Variants in ADAMTS3 observed in about 807,000 individuals in gnomAD.
The protein encoded by ADAMTS3 is A disintegrin and metalloproteinase with thrombospondin motifs 3.
In ADAMTS3, 73 loss-of-function variants were observed where a neutral mutation model predicts 129.0. That is an observed-to-expected ratio of 0.57 (90% confidence interval 0.47 to 0.69). The LOEUF is 0.69. ADAMTS3 is among the 30% of genes least tolerant of loss of function. The probability of loss-of-function intolerance (pLI) is 0.00; values close to 1 mark genes in which losing one functional copy is unlikely to be tolerated. For missense variants in ADAMTS3, 1,457 were observed against 1,514.5 expected (o/e 0.96, Z 0.63); for synonymous variants, 477 against 510.8 (o/e 0.93, Z 0.89).
intron 3 of ADAMTS3, among the ~76,000 whole-genome samples, chr4:72,476,710 T>G (rs1025434019): frequency 6.6e-6 from 1 of 151,886 alleles, no homozygotes; most frequent in African/African-American, 2.4e-5. Context: ...AAATTACACA[T>G]CAACATTCCT....
At chr4:72,530,616 T>A (rs1175592097) in intron 3 of ADAMTS3, among the ~76,000 whole-genome samples, 1 of 87,116 alleles carries the variant, frequency 1.1e-5, no homozygotes, top group Admixed American at 2.0e-4. Context: ...ATATATTATA[T>A]AATATATATT....
At chr4:72,343,262 C>T (rs1720186971) in intron 4 of ADAMTS3, among the ~76,000 whole-genome samples, 1 of 152,124 alleles carries the variant, frequency 6.6e-6, no homozygotes, top group Admixed American at 6.5e-5. Context: ...GAAGATGGAG[C>T]TGCCATGTTG....
chr4:72,504,264 T>C (rs1220958709), intron 3 of ADAMTS3, among the ~76,000 whole-genome samples: 3 of 152,158 alleles, frequency 2.0e-5, no homozygotes, highest in African/African-American at 4.8e-5. Flanking sequence ...AAAGTTGGTC[T>C]AGTGGTAAAT....
At chr4:72,513,471 C>T (rs1720369611) in intron 3 of ADAMTS3, among the ~76,000 whole-genome samples, 2 of 152,160 alleles carry the variant, frequency 1.3e-5, no homozygotes, top group Non-Finnish European at 2.9e-5. Context: ...CTTTCCACTT[C>T]CGTTTCACTC....
intron 3 of ADAMTS3, among the ~76,000 whole-genome samples, chr4:72,493,475 C>T (rs1379958302): frequency 2.0e-5 from 3 of 151,956 alleles, no homozygotes; most frequent in Non-Finnish European, 4.4e-5. Context: ...CAACTTAACT[C>T]TAATCTCATA....
rs1403297745 is a variant in ADAMTS3 at position 72,284,498 on chromosome 4, T to C, written c.3050-794A>G. ...GAATAAAATAGTTTCATGTTTATCATTGAATATTCTCAGATTATTTGTTAT... is the reference window on the plus strand; with the variant it reads ...GAATAAAATAGTTTCATGTTTATCACTGAATATTCTCAGATTATTTGTTAT... On this transcript the variant is annotated intron_variant, in intron 21 of 21. Transcript: ENST00000286657. Among the ~76,000 whole-genome samples, 6 of 152,148 alleles carry C rather than the reference T, an allele frequency of 3.9e-5. 1 individual carries two copies. Among genetic ancestry groups the C allele is most frequent in the African/African-American group, 7.2e-5 (3 of 41,440 alleles).
intron 3 of ADAMTS3, among the ~76,000 whole-genome samples, chr4:72,455,797 T>C (rs975221073): frequency 7.5e-6 from 1 of 133,848 alleles, no homozygotes; most frequent in African/African-American, 2.8e-5. Flanking sequence ...TATATATATA[T>C]ATTTTGTGTC....
chr4:72,361,517 G>C (rs1361600308), intron 4 of ADAMTS3, among the ~76,000 whole-genome samples: 1 of 152,046 alleles, frequency 6.6e-6, no homozygotes. Flanking sequence ...TTTTCTATAG[G>C]CCTTAAGAAG....
chr4:72,290,921 G>C lies in ADAMTS3; in HGVS notation c.2865C>G (p.Pro955=). ...VHSKYCMGDR[P]ESRRPCNRVP... Reference sequence around the variant, plus strand: ...CTCTGTTACAGGGCCGGCGGCTCTCGGGACGGTCACCCATGCAGTATTTGC... The same window carrying C: ...CTCTGTTACAGGGCCGGCGGCTCTCCGGACGGTCACCCATGCAGTATTTGC... Residue 955 remains proline, a synonymous_variant, in exon 20 of 22, where the codon CCC becomes CCG. Transcript: ENST00000286657. 1 of 1,614,010 alleles carries C rather than the reference G, an allele frequency of 6.2e-7. No homozygotes were observed. The highest frequency in any genetic ancestry group is 8.5e-7 in the Non-Finnish European group (1 of 1,179,964).
chr4:72,457,295 A>T (rs1196976514), intron 3 of ADAMTS3, among the ~76,000 whole-genome samples: 1 of 151,716 alleles, frequency 6.6e-6, no homozygotes, highest in East Asian at 1.9e-4. Context: ...ATGGGTTGAA[A>T]ACCATTAAAC....
chr4:72,526,725 TATAC>T lies in ADAMTS3; in HGVS notation c.504+21749_504+21752del, dbSNP rs1235070692. ...CACATATATAGAGACAGAAAAAATATATACATACATATATATATATATATATATA... is the reference window on the plus strand; with the variant it reads ...CACATATATAGAGACAGAAAAAATATATACATATATATATATATATATATA... On this transcript the variant is annotated intron_variant, in intron 3 of 21. Coordinates refer to ENST00000286657, the MANE Select transcript of ADAMTS3 (RefSeq NM_014243.3). Among the ~76,000 whole-genome samples the T allele has an allele frequency of 2.7e-3, 181 of 67,960 alleles. 1 individual carries two copies. The highest frequency in any genetic ancestry group is 9.9e-3 in the African/African-American group (171 of 17,250). The allele number at this position is 67,960 out of a possible 152,430, so 44.6% of individuals were successfully genotyped here.
intron 4 of ADAMTS3, among the ~76,000 whole-genome samples, chr4:72,377,791 C>G (rs1721170601): frequency 6.6e-6 from 1 of 152,108 alleles, no homozygotes; most frequent in Admixed American, 6.6e-5. Flanking sequence ...AGTGTTGTCT[C>G]TATTTGTGCT....
At chr4:72,541,022 G>C (rs528807030) in intron 3 of ADAMTS3, among the ~76,000 whole-genome samples, 1 of 152,290 alleles carries the variant, frequency 6.6e-6, no homozygotes, top group Admixed American at 6.5e-5. Context: ...CCAGACCCCA[G>C]AATGATATAT....
chr4:72,544,958 C>G (rs1217014003), intron 3 of ADAMTS3, among the ~76,000 whole-genome samples: 1 of 151,828 alleles, frequency 6.6e-6, no homozygotes, highest in African/African-American at 2.4e-5. Flanking sequence ...AAACTATAAT[C>G]AAATTGATGT....
chr4:72,540,948 C>A (rs1382884271), intron 3 of ADAMTS3, among the ~76,000 whole-genome samples: 2 of 152,150 alleles, frequency 1.3e-5, no homozygotes, highest in African/African-American at 4.8e-5. Context: ...CAGGTGGGAG[C>A]CCCCACACAG....
chr4:72,473,103 G>A (rs914383137), intron 3 of ADAMTS3, among the ~76,000 whole-genome samples: 1 of 152,076 alleles, frequency 6.6e-6, no homozygotes, highest in Non-Finnish European at 1.5e-5. Flanking sequence ...TTCAACATGT[G>A]TACCTGAAGT....
chr4:72,520,340 C>T (rs1720629875), intron 3 of ADAMTS3, among the ~76,000 whole-genome samples: 1 of 152,206 alleles, frequency 6.6e-6, no homozygotes, highest in African/African-American at 2.4e-5. Context: ...TCTCCAGCTG[C>T]ATGCTGGGAG....
intron 3 of ADAMTS3, among the ~76,000 whole-genome samples, chr4:72,436,032 G>A (rs533725595): frequency 7.6e-4 from 116 of 151,938 alleles, no homozygotes; most frequent in African/African-American, 2.6e-3. Flanking sequence ...GAGCTTCTGC[G>A]CAACAAAAGA....
intron 4 of ADAMTS3, among the ~76,000 whole-genome samples, chr4:72,377,682 C>T (rs1228293497): frequency 6.6e-6 from 1 of 152,182 alleles, no homozygotes; most frequent in Non-Finnish European, 1.5e-5. Context: ...AACTCTGCCA[C>T]CTTGGGCTGC....
Sources: allele counts gnomAD v4.1 joint callset (sites outside exome capture counted in the v4.1 genomes callset), GRCh38; gene constraint gnomAD v4.1.1; transcripts MANE v1.5; gene names NCBI Gene and HGNC (gene_info 2026-07-23, HGNC 2026-07-21).